The following BCAT2 variants were observed in gnomAD, a reference collection of about 807,000 sequenced individuals.
The protein encoded by BCAT2 is branched chain amino acid transaminase 2.
In BCAT2, 44 loss-of-function variants were observed where a neutral mutation model predicts 52.9. That is an observed-to-expected ratio of 0.83 (90% CI 0.65 to 1.07). BCAT2 has a LOEUF of 1.07. Ranked by LOEUF, BCAT2 falls within the 50% of genes least tolerant of loss-of-function variation. The pLI, the probability that BCAT2 is intolerant of heterozygous loss-of-function variation, is 0.00. For synonymous variants in BCAT2, 215 were observed against 217.1 expected (o/e 0.99, Z 0.08); for missense variants, 478 against 521.8 (o/e 0.92, Z 0.82).
At chr19:48,801,376 G>C (rs1034844325) in intron 3 of BCAT2, among the ~76,000 whole-genome samples, 3 of 152,056 alleles carry the variant, frequency 2.0e-5, no homozygotes, top group African/African-American at 7.2e-5. Flanking sequence ...CAGGGGCAGG[G>C]AGTAGCCATA....
Position 48,799,815 on chromosome 19 carries a change from G to A in BCAT2, c.555C>T (p.Pro185=), listed in dbSNP as rs1389677450. Residue 185 remains proline, a synonymous_variant, in exon 6 of 11, where the codon CCC becomes CCT. Transcript: ENST00000316273. This position sits in a 1 kb window ranked among gnomAD's most constrained non-coding sequence, Gnocchi z 5.5. The stretch of plus-strand genomic sequence containing the variant: ...GAATGACGAACAGGAGCGCGCGCGT[G>A]GGCTGGCTGACACCCAGCGAGGGCT... ...GNEPSLGVSQ[P]TRALLFVILC... 6.4e-7 allele frequency: 1 copy of A among 1,558,570 alleles called. No homozygotes were observed. The highest frequency in any genetic ancestry group is 8.7e-7 in the Non-Finnish European group (1 of 1,151,090).
Position 48,799,553 on chromosome 19 carries a change from C to A in BCAT2, c.695+122G>T, listed in dbSNP as rs151269157. 8.8e-3 allele frequency: 11,319 copies of A among 1,284,670 alleles called. 68 individuals are homozygous for A. Among genetic ancestry groups the A allele is most frequent in the Non-Finnish European group, 0.011 (10,287 of 959,044 alleles). 79.6% of individuals were successfully genotyped at this position (1,284,670 alleles called of 1,614,324 possible). On this transcript the variant is annotated intron_variant, in intron 6 of 10. Transcript: ENST00000316273. This position sits in a 1 kb window ranked among gnomAD's most constrained non-coding sequence, Gnocchi z 5.5. Reference sequence around the variant, plus strand: ...GGAGGTCACTTAGCACTGAGCCCTGCACGGTGCTGATGATGTCACCTTCAT... The same window carrying A: ...GGAGGTCACTTAGCACTGAGCCCTGAACGGTGCTGATGATGTCACCTTCAT...
intron 1 of BCAT2, among the ~76,000 whole-genome samples, chr19:48,810,387 G>A (rs769500706): frequency 2.0e-5 from 3 of 152,194 alleles, no homozygotes; most frequent in Non-Finnish European, 4.4e-5. Flanking sequence ...ACAGTCAGAA[G>A]GGATCGTCTC....
At chr19:48,795,559 G>T in intron 10 of BCAT2, 95 bp from the exon 11 acceptor site, 1 of 1,416,450 alleles carries the variant, frequency 7.1e-7, no homozygotes. Context: ...ACGGAGCTGT[G>T]CCCCAGCGGC....
At chr19:48,798,095 G>A (rs1264751362) in intron 6 of BCAT2, among the ~76,000 whole-genome samples, 4 of 151,696 alleles carry the variant, frequency 2.6e-5, no homozygotes, top group South Asian at 2.1e-4. Flanking sequence ...AGTAGAGACG[G>A]GGTTTCACCA....
rs1395891504 is a variant in BCAT2 at position 48,801,405 on chromosome 19, T to C, written c.301-1108A>G. On this transcript the variant is annotated intron_variant, in intron 3 of 10. Coordinates refer to ENST00000316273, the MANE Select transcript of BCAT2 (RefSeq NM_001190.4). ...AGCCATATCAGGTAGTAAAACATTA[T>C]AAATCTACAATACTTAAAACAGAGT... 2.0e-5 allele frequency among the ~76,000 whole-genome samples: 3 copies of C among 152,154 alleles called. No homozygotes were observed. The East Asian group carries it at 5.8e-4, about 29-fold the overall frequency.
chr19:48,800,535 C>T (rs867453179), intron 3 of BCAT2, among the ~76,000 whole-genome samples: 1 of 152,128 alleles, frequency 6.6e-6, no homozygotes, highest in African/African-American at 2.4e-5. Flanking sequence ...AGGACACGAC[C>T]GGGCTCAGTG....
At position 48,799,716 on chromosome 19, in the gene BCAT2, G is replaced by A. The variant is rs975271762; in HGVS notation, c.654C>T (p.Ile218=). ...TGCCGACCCCGCCCACCCAGGCCCG[G>A]ATGAAGGCTGGGTCGGCCAGGAGGG... The part of the protein sequence containing the change: ...PVSLLADPAF[I]RAWVGGVGNY... The change falls in exon 6 of 11, where the codon ATC becomes ATT. Residue 218 remains isoleucine (I), a synonymous_variant. Transcript: ENST00000316273. This position sits in a 1 kb window ranked among gnomAD's most constrained non-coding sequence, Gnocchi z 5.5. 1.9e-6 allele frequency: 3 copies of A among 1,598,222 alleles called. No homozygotes were observed. Among genetic ancestry groups the A allele is most frequent in the African/African-American group, 2.7e-5 (2 of 74,736 alleles).
At chr19:48,810,808 C>T in intron 1 of BCAT2, 176 bp downstream of exon 1, 4 of 1,440,032 alleles carry the variant, frequency 2.8e-6, no homozygotes, top group East Asian at 2.9e-5. Flanking sequence ...CTCCCCCTCA[C>T]CCCATTAAAG....
At position 48,795,545 on chromosome 19, in the gene BCAT2, G is replaced by A. The variant is rs57799938; in HGVS notation, c.1141-81C>T. 1,158 of 1,520,302 alleles carry A rather than the reference G, an allele frequency of 7.6e-4. 7 individuals are homozygous for A. In the African/African-American group the frequency reaches 0.014, roughly 18 times the overall value. The allele number at this position is 1,520,302 out of a possible 1,614,324, so 94.2% of individuals were successfully genotyped here. On this transcript the variant is annotated intron_variant, in intron 10 of 10. Transcript: ENST00000316273. ...GGCCCTGGGGTGTTCCAGGCCGAGT[G>A]CCTACGGAGCTGTGCCCCAGCGGCT...
At chr19:48,806,788 G>A (rs918375243) in intron 2 of BCAT2, 71 bp from the exon 3 acceptor site, 2 of 1,555,488 alleles carry the variant, frequency 1.3e-6, no homozygotes, top group Admixed American at 1.7e-5. Context: ...CTCCCATGAA[G>A]CCCTGGGCCT....
At chr19:48,798,325 T>TCCCAGAGATAGCCTCTCC (rs1265336667) in intron 6 of BCAT2, among the ~76,000 whole-genome samples, 1 of 152,164 alleles carries the variant, frequency 6.6e-6, no homozygotes, top group South Asian at 2.1e-4. Context: ...TGAGTCTCTC[T>TCCCAGAGATAGCCTCTCC]CCCAGAGATA....
chr19:48,806,559 G>A lies in BCAT2; in HGVS notation c.258C>T (p.Leu86=). The part of the protein sequence containing the change: ...GQPRIQPFQN[L]TLHPASSSLH... ...GGCTGGAGGAGGCTGGGTGCAGCGTGAGGTTCTGGAAGGGCTGGATTCGGG... is the reference window on the plus strand; with the variant it reads ...GGCTGGAGGAGGCTGGGTGCAGCGTAAGGTTCTGGAAGGGCTGGATTCGGG... The change falls in exon 3 of 11, where the codon CTC becomes CTT. Residue 86 remains leucine, a synonymous_variant. Transcript: ENST00000316273. The A allele has an allele frequency of 6.2e-7, 1 of 1,614,110 alleles. No homozygotes were observed. Among genetic ancestry groups the A allele is most frequent in the Non-Finnish European group, 8.5e-7 (1 of 1,180,008 alleles).
intron 2 of BCAT2, 94 bp from the exon 3 acceptor site, chr19:48,806,811 G>T: frequency 6.7e-7 from 1 of 1,491,922 alleles, no homozygotes; most frequent in Non-Finnish European, 9.2e-7. Flanking sequence ...GACCCATAGA[G>T]AAGAAGGACC....
At position 48,799,874 on chromosome 19, in the gene BCAT2, G is replaced by C; in HGVS notation, c.532-36C>G. On this transcript the variant is annotated intron_variant, in intron 5 of 10. Coordinates refer to ENST00000316273, the MANE Select transcript of BCAT2 (RefSeq NM_001190.4). This position sits in a 1 kb window ranked among gnomAD's most constrained non-coding sequence, Gnocchi z 5.5. ...CAAAGGGACAGCGTCAGGAGTCCAG[G>C]CCCCCAGTCCCTTCCCGTCCCCAGG... is the stretch of plus-strand genomic sequence containing the variant. The C allele has an allele frequency of 6.3e-7, 1 of 1,578,504 alleles. No individual in the cohort carries two copies. The highest frequency in any genetic ancestry group is 8.6e-7 in the Non-Finnish European group (1 of 1,162,982).
rs1335891022 is a variant in BCAT2 at position 48,806,572 on chromosome 19, G to A, written c.245C>T (p.Pro82Leu). 1 of 1,614,188 alleles carries A rather than the reference G, an allele frequency of 6.2e-7. No homozygotes were observed. The highest frequency in any genetic ancestry group is 1.1e-5 in the South Asian group (1 of 91,086). ...TGGGTGCAGCGTGAGGTTCTGGAAG[G>A]GCTGGATTCGGGGCTGGCCCCAGCC... ...DKGWGQPRIQ[P>L]FQNLTLHPAS... Residue 82 changes from proline to leucine, a missense_variant, in exon 3 of 11, where the codon CCC (proline) becomes CTC (leucine). Physicochemically the swap from Pro to Leu is moderately conservative, Grantham distance 98. Transcript: ENST00000316273.
Position 48,807,987 on chromosome 19 carries a change from G to T in BCAT2, c.25-913C>A. The T allele has an allele frequency of 2.0e-6, 2 of 986,108 alleles. No individual in the cohort carries two copies. The highest frequency in any genetic ancestry group is 2.4e-6 in the Non-Finnish European group (2 of 830,312). The allele number at this position is 986,108 out of a possible 1,614,324, so 61.1% of individuals were successfully genotyped here. A position where few individuals can be genotyped will look rare whatever the true frequency, so the allele number is the denominator to read the frequency against. On this transcript the variant is annotated intron_variant, in intron 1 of 10. Transcript: ENST00000316273. The surrounding 1 kb of genome is among the most constrained non-coding windows in gnomAD (Gnocchi z 4.6). Reference sequence around the variant, plus strand: ...TCCCCAGCCCTGTGGGGAGGCGTTGGGGCGTGAGGTTGAGAGAGACAGAGT... The same window carrying T: ...TCCCCAGCCCTGTGGGGAGGCGTTGTGGCGTGAGGTTGAGAGAGACAGAGT...
chr19:48,800,034 G>T lies in BCAT2; in HGVS notation c.478C>A (p.Pro160Thr), dbSNP rs750250807. The T allele has an allele frequency of 6.2e-7, 1 of 1,613,914 alleles. No homozygotes were observed. ...TAGAGGCTGGTGCCGGCGGCATCGGGGACCCAGTCCTTGTCCACTTCGATG... is the reference window on the plus strand; with the variant it reads ...TAGAGGCTGGTGCCGGCGGCATCGGTGACCCAGTCCTTGTCCACTTCGATG... ...RLIEVDKDWVPDAAGTSLYVR... is the reference protein window; with the variant it reads ...RLIEVDKDWVTDAAGTSLYVR... The change falls in exon 5 of 11, where the codon CCC becomes ACC. Residue 160 changes from proline to threonine, a missense_variant. Pro to Thr is a conservative substitution (Grantham distance 38, BLOSUM62 -1). Transcript: ENST00000316273.
rs1452209488 is a variant in BCAT2, at chr19:48,795,414, C to T, written c.*12G>A. 2 of 1,613,830 alleles carry T rather than the reference C, an allele frequency of 1.2e-6. No homozygotes were observed. The highest frequency in any genetic ancestry group is 2.7e-5 in the African/African-American group (2 of 74,926). On this transcript the variant is annotated 3_prime_UTR_variant, in exon 11 of 11. Coordinates refer to ENST00000316273, the MANE Select transcript of BCAT2 (RefSeq NM_001190.4). ...GCTACGGGTCGGTGGATCTGGAGCA[C>T]AGCCTGCAGCTTCACACCGGGAACA...
Sources: gnomAD v4.1 joint callset for allele counts (sites outside exome capture counted in the v4.1 genomes callset) on GRCh38, gnomAD v4.1.1 for gene constraint, Gnocchi (gnomAD v3.1) non-coding constraint, MANE v1.5 for transcripts, NCBI Gene and HGNC (gene_info 2026-07-23, HGNC 2026-07-21) for gene names.